KALRN: variants seen among roughly 807,000 people sequenced by gnomAD.
KALRN encodes the protein kalirin.
KALRN carries 70 observed loss-of-function variants against 353.7 expected under a neutral mutation model. The ratio of observed to expected loss-of-function variants is 0.20; its 90% CI spans 0.16 to 0.24. The LOEUF is 0.24. Among genes scored for constraint, KALRN ranks in the 10% least tolerant of loss-of-function variants. The probability of loss-of-function intolerance (pLI) is 1.00; values close to 1 mark genes in which losing one functional copy is unlikely to be tolerated. For synonymous variants in KALRN, 1,391 were observed against 1,434.8 expected (o/e 0.97, Z 0.69); for missense variants, 2,791 against 3,756.7 (o/e 0.74, Z 6.72).
chr3:124,334,336 C>G lies in KALRN; in HGVS notation c.1488C>G (p.Leu496=), dbSNP rs1362645873. 1 of 1,614,258 alleles carries G rather than the reference C, an allele frequency of 6.2e-7. No individual in the cohort carries two copies. Among genetic ancestry groups the G allele is most frequent in the Non-Finnish European group, 8.5e-7 (1 of 1,180,054 alleles). ...RPLSPGNSES[L]TATANYSKAV... ...TGAGCCCTGGGAACTCCGAATCCCT[C>G]ACGGCCACAGCCAACTACTCCAAGG... Residue 496 remains leucine, a synonymous_variant, in exon 9 of 60, where the codon CTC becomes CTG. Coordinates refer to ENST00000682506, the MANE Select transcript of KALRN (RefSeq NM_001388419.1). This position sits in a 1 kb window ranked among gnomAD's most constrained non-coding sequence, Gnocchi z 4.2.
intron 8 of KALRN, among the ~76,000 whole-genome samples, chr3:124,333,225 TG>T (rs1383405039): frequency 3.3e-5 from 5 of 152,176 alleles, no homozygotes; most frequent in Non-Finnish European, 7.3e-5. Flanking sequence ...GTGGTGATTA[TG>T]GGAACTACAA....
At chr3:124,123,646 T>A (rs2064297480) in intron 1 of KALRN, among the ~76,000 whole-genome samples, 2 of 152,228 alleles carry the variant, frequency 1.3e-5, no homozygotes, top group Admixed American at 1.3e-4. Context: ...ATTTTCAATG[T>A]AGATGAAATA....
At chr3:124,164,568 C>G (rs60065908) in intron 1 of KALRN, 5 of 152,094 alleles carry the variant, frequency 3.3e-5, no homozygotes, top group African/African-American at 1.2e-4. Flanking sequence ...TGAATAAACT[C>G]TCAGTTTACA....
intron 1 of KALRN, among the ~76,000 whole-genome samples, chr3:124,131,922 ATG>A (rs1303165580): frequency 6.6e-6 from 1 of 152,150 alleles, no homozygotes; most frequent in African/African-American, 2.4e-5. Flanking sequence ...GGGGGAAATG[ATG>A]TCATAAGTCC....
At chr3:124,677,674 ATTGT>A in intron 49 of KALRN, 1 of 449,876 alleles carries the variant, frequency 2.2e-6, no homozygotes, top group Non-Finnish European at 4.5e-6. Context: ...TCTGATCAAC[ATTGT>A]TTGGGAGTGG....
intron 10 of KALRN, among the ~76,000 whole-genome samples, chr3:124,356,944 C>G (rs2083486108): frequency 6.6e-6 from 1 of 152,182 alleles, no homozygotes; most frequent in Admixed American, 6.5e-5. Context: ...TATTTATAAA[C>G]CCATTGGCTC....
chr3:124,667,584 G>A (rs1170976076), intron 47 of KALRN, among the ~76,000 whole-genome samples: 1 of 152,194 alleles, frequency 6.6e-6, no homozygotes, highest in Non-Finnish European at 1.5e-5. Flanking sequence ...ATAAATGAGA[G>A]TTTGACCAAT....
intron 1 of KALRN, among the ~76,000 whole-genome samples, chr3:124,177,809 G>A (rs554565209): frequency 6.6e-6 from 1 of 152,256 alleles, no homozygotes; most frequent in Non-Finnish European, 1.5e-5. Flanking sequence ...GTGGCCAGTA[G>A]CCCAGAAGTT....
intron 6 of KALRN, among the ~76,000 whole-genome samples, chr3:124,307,952 A>C (rs1275002601): frequency 6.6e-6 from 1 of 152,030 alleles, no homozygotes; most frequent in Non-Finnish European, 1.5e-5. Flanking sequence ...AATAGATGGA[A>C]AGTAAAAGGA....
chr3:124,034,240 C>T (rs2149034402), intron 1 of KALRN, among the ~76,000 whole-genome samples: 1 of 152,282 alleles, frequency 6.6e-6, no homozygotes, highest in African/African-American at 2.4e-5. Context: ...CACCCCTCCT[C>T]GCCGTCGGGG....
intron 1 of KALRN, among the ~76,000 whole-genome samples, chr3:124,179,796 G>A (rs2073314594): frequency 6.6e-6 from 1 of 152,104 alleles, no homozygotes; most frequent in African/African-American, 2.4e-5. Flanking sequence ...GTTGTTATGC[G>A]GTGCATGGCT....
chr3:124,282,636 C>G (rs992944795), intron 5 of KALRN, among the ~76,000 whole-genome samples: 3 of 152,104 alleles, frequency 2.0e-5, no homozygotes, highest in Admixed American at 1.3e-4. Flanking sequence ...CTTGGCCTCC[C>G]AAAGTGCTGG....
intron 1 of KALRN, among the ~76,000 whole-genome samples, chr3:124,208,254 A>G (rs1429486866): frequency 6.6e-6 from 1 of 152,210 alleles, no homozygotes; most frequent in East Asian, 1.9e-4. Flanking sequence ...CTTTTCCTGT[A>G]CTGGCACTCA....
chr3:124,505,095 G>C (rs2065065167), intron 33 of KALRN: 2 of 397,080 alleles, frequency 5.0e-6, no homozygotes, highest in Non-Finnish European at 1.0e-5. Context: ...GGAGTGTTCT[G>C]TACAGACCTT....
chr3:124,446,549 G>C (rs1415498442), intron 20 of KALRN, among the ~76,000 whole-genome samples: 6 of 152,210 alleles, frequency 3.9e-5, no homozygotes, highest in African/African-American at 1.4e-4. Flanking sequence ...AGAGTCCTCA[G>C]TCTACTGGGG....
chr3:124,451,316 A>G (rs569348117), intron 21 of KALRN, among the ~76,000 whole-genome samples: 1 of 152,092 alleles, frequency 6.6e-6, no homozygotes, highest in African/African-American at 2.4e-5. Context: ...AAAAAATAGA[A>G]TTACTGAACC....
At chr3:124,103,701 A>G (rs1207286521) in intron 1 of KALRN, among the ~76,000 whole-genome samples, 1 of 152,094 alleles carries the variant, frequency 6.6e-6, no homozygotes, top group African/African-American at 2.4e-5. Context: ...CATACCTGTA[A>G]TCCTAGCACT....
intron 6 of KALRN, among the ~76,000 whole-genome samples, chr3:124,299,563 A>T (rs1343851783): frequency 6.6e-6 from 1 of 152,092 alleles, no homozygotes; most frequent in East Asian, 1.9e-4. Flanking sequence ...TCAGAGAGGG[A>T]TGTTTGCTAA....
At chr3:124,111,704 T>A (rs1030879581) in intron 1 of KALRN, among the ~76,000 whole-genome samples, 1 of 152,102 alleles carries the variant, frequency 6.6e-6, no homozygotes, top group Non-Finnish European at 1.5e-5. Context: ...TTCATAAATA[T>A]AGGGGGCATG....
Sources: allele counts gnomAD v4.1 joint callset (sites outside exome capture counted in the v4.1 genomes callset), GRCh38; gene constraint gnomAD v4.1.1; non-coding constraint Gnocchi (gnomAD v3.1); transcripts MANE v1.5; gene names NCBI Gene and HGNC (gene_info 2026-07-23, HGNC 2026-07-21).